Variants in STPG2 observed in about 807,000 individuals in gnomAD.
STPG2 encodes the protein sperm-tail PG-rich repeat-containing protein 2.
In STPG2, 56 loss-of-function variants were observed where a neutral mutation model predicts 54.2. That is an observed-to-expected ratio of 1.03 (90% confidence interval 0.83 to 1.29). The LOEUF is 1.29. Among genes scored for constraint, STPG2 ranks in the 50% most tolerant of loss-of-function variants. STPG2 has a pLI of 0.00. For synonymous variants in STPG2, 200 were observed against 181.8 expected (o/e 1.10, Z -0.81); for missense variants, 596 against 544.9 (o/e 1.09, Z -0.93).
At chr4:97,888,389 C>G (rs756468987) in intron 8 of STPG2, among the ~76,000 whole-genome samples, 2 of 152,190 alleles carry the variant, frequency 1.3e-5, no homozygotes, top group Non-Finnish European at 2.9e-5. Context: ...ACCTTGGGAG[C>G]AGACCCCTTG....
chr4:97,982,119 T>C (rs1376419221), intron 5 of STPG2, among the ~76,000 whole-genome samples: 1 of 151,908 alleles, frequency 6.6e-6, no homozygotes, highest in Admixed American at 6.6e-5. Flanking sequence ...TTCCTGACCT[T>C]GTGATTTGCC....
intron 4 of STPG2, among the ~76,000 whole-genome samples, chr4:97,539,156 A>G (rs532744338): frequency 8.5e-5 from 13 of 152,364 alleles, no homozygotes; most frequent in Non-Finnish European, 1.6e-4. Flanking sequence ...ATAACCAGCT[A>G]ACATCATAAT....
At chr4:97,570,512 C>T (rs1263033004) in intron 10 of STPG2, among the ~76,000 whole-genome samples, 1 of 152,032 alleles carries the variant, frequency 6.6e-6, no homozygotes, top group Non-Finnish European at 1.5e-5. Context: ...ACTCTCTACT[C>T]TAGCTATCCT....
intron 4 of STPG2, among the ~76,000 whole-genome samples, chr4:97,533,277 T>G (rs529185448): frequency 7.1e-4 from 108 of 152,190 alleles, no homozygotes; most frequent in South Asian, 2.3e-3. Flanking sequence ...AGAGAAAAAA[T>G]AAAAATAATA....
chr4:98,066,029 A>G (rs1737824144), intron 5 of STPG2, among the ~76,000 whole-genome samples: 1 of 151,458 alleles, frequency 6.6e-6, no homozygotes, highest in Non-Finnish European at 1.5e-5. Context: ...CCTATCAAGT[A>G]GGTATATCAA....
At chr4:97,733,260 T>C (rs1454233108) in intron 9 of STPG2, among the ~76,000 whole-genome samples, 1 of 152,090 alleles carries the variant, frequency 6.6e-6, no homozygotes, top group African/African-American at 2.4e-5. Flanking sequence ...ATTCAGCCAC[T>C]AAAAGGAATG....
intron 8 of STPG2, among the ~76,000 whole-genome samples, chr4:97,937,986 G>A (rs1578710336): frequency 1.3e-5 from 2 of 152,306 alleles, no homozygotes; most frequent in South Asian, 4.1e-4. Context: ...CTAGCAGGAA[G>A]GAAGACGTAG....
At chr4:97,739,398 C>A (rs990037945) in intron 9 of STPG2, among the ~76,000 whole-genome samples, 5 of 152,034 alleles carry the variant, frequency 3.3e-5, no homozygotes, top group Admixed American at 6.6e-5. Context: ...ACGCAAAAAA[C>A]CCTTCAAAAA....
chr4:98,100,238 T>A (rs1006783403), intron 5 of STPG2, among the ~76,000 whole-genome samples: 1 of 152,166 alleles, frequency 6.6e-6, no homozygotes, highest in Non-Finnish European at 1.5e-5. Context: ...TCAGAAAGCA[T>A]TACTAAACAT....
chr4:97,950,451 T>C (rs1733422792), intron 7 of STPG2, among the ~76,000 whole-genome samples: 1 of 152,220 alleles, frequency 6.6e-6, no homozygotes, highest in Admixed American at 6.5e-5. Context: ...AAGTTCTGAT[T>C]TTTTTCTCTT....
intron 8 of STPG2, among the ~76,000 whole-genome samples, chr4:97,854,301 A>G (rs1261738234): frequency 6.6e-6 from 1 of 152,070 alleles, no homozygotes; most frequent in East Asian, 1.9e-4. Context: ...CCATGGTCAA[A>G]TTATATTTCT....
intron 8 of STPG2, among the ~76,000 whole-genome samples, chr4:97,939,976 T>A (rs1222371356): frequency 6.6e-6 from 1 of 152,146 alleles, no homozygotes; most frequent in Non-Finnish European, 1.5e-5. Flanking sequence ...TCTTTCAAGA[T>A]CTCTTGTAAG....
intron 10 of STPG2, among the ~76,000 whole-genome samples, chr4:97,698,531 C>T (rs1473551875): frequency 6.6e-6 from 1 of 152,142 alleles, no homozygotes; most frequent in African/African-American, 2.4e-5. Flanking sequence ...CCCTCTGGAA[C>T]TAAGACCTCT....
At chr4:97,950,589 CA>C (rs1733428562) in intron 7 of STPG2, among the ~76,000 whole-genome samples, 1 of 151,878 alleles carries the variant, frequency 6.6e-6, no homozygotes, top group African/African-American at 2.4e-5. Context: ...CTGGTATTTC[CA>C]AGATTTCATC....
At chr4:97,608,096 A>G (rs2148912431) in intron 10 of STPG2, among the ~76,000 whole-genome samples, 1 of 152,148 alleles carries the variant, frequency 6.6e-6, no homozygotes, top group South Asian at 2.1e-4. Flanking sequence ...GCAACTACAC[A>G]ATATCCTCTT....
At chr4:98,062,477 T>C (rs572982828) in intron 5 of STPG2, among the ~76,000 whole-genome samples, 12 of 152,226 alleles carry the variant, frequency 7.9e-5, no homozygotes, top group African/African-American at 2.2e-4. Flanking sequence ...CAAAAAAACT[T>C]GTATTTGGAA....
chr4:97,758,988 G>C (rs1373251629), intron 9 of STPG2, among the ~76,000 whole-genome samples: 1 of 151,928 alleles, frequency 6.6e-6, no homozygotes, highest in Non-Finnish European at 1.5e-5. Context: ...AAAAATGAAC[G>C]TATAATATTT....
chr4:97,542,104 A>G (rs918146325), intron 4 of STPG2, among the ~76,000 whole-genome samples: 1 of 152,214 alleles, frequency 6.6e-6, no homozygotes, highest in African/African-American at 2.4e-5. Flanking sequence ...GGGCAACAAA[A>G]GCCAAAATTG....
chr4:97,706,239 G>A (rs549264285), intron 10 of STPG2, among the ~76,000 whole-genome samples: 3 of 152,246 alleles, frequency 2.0e-5, no homozygotes, highest in South Asian at 2.1e-4. Context: ...ACCCCTCTGC[G>A]AGTAGCTTGT....
Sources: allele counts gnomAD v4.1 joint callset (sites outside exome capture counted in the v4.1 genomes callset), GRCh38; gene constraint gnomAD v4.1.1; transcripts MANE v1.5; gene names NCBI Gene and HGNC (gene_info 2026-07-23, HGNC 2026-07-21).